Variants in ZNF33B observed in about 807,000 individuals in gnomAD.
ZNF33B encodes zinc finger protein 33B.
ZNF33B carries 29 observed loss-of-function variants against 45.8 expected under a neutral mutation model. The ratio of observed to expected loss-of-function variants is 0.63; its 90% confidence interval spans 0.47 to 0.86. The LOEUF (loss-of-function observed/expected upper bound fraction) is 0.86. ZNF33B is among the 40% of genes least tolerant of loss of function. The probability of loss-of-function intolerance (pLI) is 0.00; values close to 1 mark genes in which losing one functional copy is unlikely to be tolerated. For missense variants in ZNF33B, 831 were observed against 909.9 expected (o/e 0.91, Z 1.12); for synonymous variants, 305 against 307.8 (o/e 0.99, Z 0.10).
intron 4 of ZNF33B, among the ~76,000 whole-genome samples, chr10:42,602,657 T>C (rs893084460): frequency 1.3e-4 from 20 of 152,202 alleles, no homozygotes; most frequent in African/African-American, 4.1e-4. Flanking sequence ...TAGGCAAATC[T>C]GGAGCAGTGC....
At chr10:42,599,384 T>G (rs1179327707) in intron 4 of ZNF33B, among the ~76,000 whole-genome samples, 1 of 151,898 alleles carries the variant, frequency 6.6e-6, no homozygotes, top group African/African-American at 2.4e-5. Context: ...CAAAGTGGAA[T>G]TAGCTAAGAC....
chr10:42,608,910 T>C (rs1479641472), intron 4 of ZNF33B, among the ~76,000 whole-genome samples: 4 of 150,338 alleles, frequency 2.7e-5, no homozygotes, highest in Non-Finnish European at 5.9e-5. Flanking sequence ...TTCAAATTAC[T>C]AAATGTAGGG....
intron 4 of ZNF33B, among the ~76,000 whole-genome samples, chr10:42,612,977 T>C (rs902536385): frequency 1.3e-5 from 2 of 152,168 alleles, no homozygotes; most frequent in Admixed American, 1.3e-4. Flanking sequence ...ACCTAAGTCA[T>C]GGGTTAAGAA....
intron 2 of ZNF33B, among the ~76,000 whole-genome samples, chr10:42,635,687 A>G (rs1416026165): frequency 1.3e-5 from 2 of 150,662 alleles, no homozygotes; most frequent in East Asian, 4.0e-4. Context: ...GCGCATGCCT[A>G]TAATTCCAGC....
chr10:42,625,471 GTTTTC>G (rs562594109), intron 4 of ZNF33B, among the ~76,000 whole-genome samples: 187 of 151,916 alleles, frequency 1.2e-3, no homozygotes, highest in Non-Finnish European at 2.2e-3. Context: ...TTTTCATTTT[GTTTTC>G]TTTTCTTTTT....
rs1356775770 is a variant in ZNF33B at position 42,593,494 on chromosome 10, G to C, written c.1456C>G (p.Gln486Glu). The C allele has an allele frequency of 9.3e-6, 15 of 1,613,862 alleles. No homozygotes were observed. The highest frequency in any genetic ancestry group is 2.2e-5 in the East Asian group (1 of 44,876). The change falls in exon 5 of 5, where the codon CAG (glutamine) becomes GAG (glutamate). Residue 486 changes from glutamine (Q) to glutamate (E), a missense_variant. Transcript: ENST00000359467. ...KSFCQKSHLTQHQRTHIGDKP... is the reference protein window; with the variant it reads ...KSFCQKSHLTEHQRTHIGDKP... ...TCTCCTATGTGAGTTCTCTGATGCT[G>C]TGTAAGATGTGACTTTTGACAAAAG...
chr10:42,622,443 A>C (rs1838630832), intron 4 of ZNF33B, among the ~76,000 whole-genome samples: 1 of 152,240 alleles, frequency 6.6e-6, no homozygotes, highest in Admixed American at 6.5e-5. Flanking sequence ...CTTATTAGAA[A>C]GCTACAATAA....
chr10:42,638,113 G>C (rs1260636130), intron 1 of ZNF33B, among the ~76,000 whole-genome samples: 1 of 152,236 alleles, frequency 6.6e-6, no homozygotes, highest in Non-Finnish European at 1.5e-5. Context: ...TCGGGCGGGC[G>C]ACTGCACCCG....
intron 1 of ZNF33B, among the ~76,000 whole-genome samples, chr10:42,578,933 A>G (rs1836785229): frequency 6.6e-6 from 1 of 152,220 alleles, no homozygotes; most frequent in Non-Finnish European, 1.5e-5. Flanking sequence ...CAATTTTACA[A>G]GGAGTGACAT....
intron 4 of ZNF33B, among the ~76,000 whole-genome samples, chr10:42,602,408 A>G (rs955322391): frequency 3.9e-5 from 6 of 152,010 alleles, no homozygotes; most frequent in Admixed American, 3.3e-4. Flanking sequence ...GTTAATTCTA[A>G]TATCTATGGC....
chr10:42,593,771 G>T lies in ZNF33B; in HGVS notation c.1179C>A (p.Ala393=). 6.2e-7 allele frequency: 1 copy of T among 1,613,814 alleles called. No homozygotes were observed. Residue 393 remains alanine (A), a synonymous_variant, in exon 5 of 5, where the codon GCC becomes GCA. Coordinates refer to ENST00000359467, the MANE Select transcript of ZNF33B (RefSeq NM_006955.3). The stretch of plus-strand genomic sequence containing the variant: ...ATGTGAGGGCTGACTTATGGCTAAA[G>T]GCTTTCCCACATTCATTGCATTCAA... ...KPFECNECGK[A]FSHKSALTLH...
intron 1 of ZNF33B, chr10:42,582,537 G>A (rs928643649): frequency 2.5e-4 from 38 of 152,706 alleles, no homozygotes; most frequent in African/African-American, 8.9e-4. Flanking sequence ...TGAAGGAAGA[G>A]TGGACACACA....
In ZNF33B at chr10:42,604,933, AAG is replaced by A. The variant is rs1200795517; in HGVS notation, c.251-10236_251-10235del. Among the ~76,000 whole-genome samples the A allele has an allele frequency of 2.6e-5, 4 of 151,984 alleles. No homozygotes were observed. The East Asian group carries it at 7.7e-4, about 29-fold the overall frequency. On this transcript the variant is annotated intron_variant, in intron 4 of 4. Transcript: ENST00000359467. ...TGAAATTTCATCTCAAAAAAAAAAA[AAG>A]AAAGAAAAGAGAGGTTGTAGCTGGC...
At chr10:42,610,072 G>C (rs1293715777) in intron 4 of ZNF33B, among the ~76,000 whole-genome samples, 1 of 152,070 alleles carries the variant, frequency 6.6e-6, no homozygotes, top group East Asian at 1.9e-4. Context: ...AGGGGAAGGG[G>C]AATTCAGATT....
At chr10:42,586,279 G>A (rs1196312731), downstream of ZNF33B, among the ~76,000 whole-genome samples, 4 of 145,412 alleles carry the variant, frequency 2.8e-5, no homozygotes, top group African/African-American at 7.7e-5. Context: ...TCAGCCTCCC[G>A]AGTAGCTCGG....
chr10:42,625,108 G>C (rs1838747483), intron 4 of ZNF33B, among the ~76,000 whole-genome samples: 1 of 150,942 alleles, frequency 6.6e-6, no homozygotes, highest in Non-Finnish European at 1.5e-5. Flanking sequence ...CTTATTTAAA[G>C]CTGAGAAAAA....
intron 4 of ZNF33B, chr10:42,614,307 A>G (rs1838223463): frequency 6.5e-6 from 1 of 154,730 alleles, no homozygotes; most frequent in Admixed American, 6.5e-5. Context: ...CCAAACTGTC[A>G]AGGTCATCCA....
chr10:42,605,659 G>A (rs1263883419), intron 4 of ZNF33B, among the ~76,000 whole-genome samples: 2 of 152,108 alleles, frequency 1.3e-5, no homozygotes, highest in Admixed American at 6.6e-5. Flanking sequence ...CAATTATTGT[G>A]GGTAAAGGCA....
chr10:42,602,998 G>T (rs1837690466), intron 4 of ZNF33B, among the ~76,000 whole-genome samples: 1 of 152,114 alleles, frequency 6.6e-6, no homozygotes, highest in Non-Finnish European at 1.5e-5. Flanking sequence ...ACTGCCAAAA[G>T]GCCTTGAGCC....
Sources: gnomAD v4.1 joint callset for allele counts (sites outside exome capture counted in the v4.1 genomes callset) on GRCh38, gnomAD v4.1.1 for gene constraint, MANE v1.5 for transcripts, NCBI Gene and HGNC (gene_info 2026-07-23, HGNC 2026-07-21) for gene names.